The following TCF12 variants were observed in gnomAD, a reference collection of about 807,000 sequenced individuals.
TCF12 encodes transcription factor 12.
Under a neutral mutation model 86.0 loss-of-function variants are expected in TCF12, and 45 were observed. The ratio of observed to expected loss-of-function variants is 0.52; its 90% CI spans 0.41 to 0.67. The LOEUF (loss-of-function observed/expected upper bound fraction) is 0.67, where lower values mean the gene tolerates loss of function less well. Ranked by LOEUF, TCF12 falls within the 30% of genes least tolerant of loss-of-function variation. The probability of loss-of-function intolerance (pLI) is 0.00; values close to 1 mark genes in which losing one functional copy is unlikely to be tolerated. For synonymous variants in TCF12, 330 were observed against 299.6 expected (o/e 1.10, Z -1.05); for missense variants, 881 against 859.9 (o/e 1.02, Z -0.31).
intron 8 of TCF12, among the ~76,000 whole-genome samples, chr15:57,225,330 C>G (rs1390110029): frequency 6.8e-6 from 1 of 147,834 alleles, no homozygotes; most frequent in Non-Finnish European, 1.5e-5. Context: ...AGCTCCGCCT[C>G]CCAGGTTCAC....
chr15:56,947,964 T>C (rs941085674), intron 3 of TCF12, among the ~76,000 whole-genome samples: 1 of 152,152 alleles, frequency 6.6e-6, no homozygotes. Context: ...CAGGAACTTA[T>C]CTTAATTTAG....
chr15:57,172,110 T>C (rs2055549638), intron 6 of TCF12, among the ~76,000 whole-genome samples: 1 of 152,166 alleles, frequency 6.6e-6, no homozygotes, highest in African/African-American at 2.4e-5. Flanking sequence ...TTCCTTGTTC[T>C]TTTTTCCTGT....
rs149157232 is a variant in TCF12, at chr15:57,029,169, A to C, written c.149-34581A>C. On this transcript the variant is annotated intron_variant, in intron 3 of 20. Transcript: ENST00000333725. ...GAAAGAGTGGTTCTTCCAGTGTGAA[A>C]GAGTGGTTCTTCCACTACATAATTG... 4.4e-3 allele frequency among the ~76,000 whole-genome samples: 674 copies of C among 152,244 alleles called. 7 individuals carry two copies. Among genetic ancestry groups the C allele is most frequent in the Admixed American group, 0.022 (331 of 15,288 alleles).
Position 57,046,006 on chromosome 15 carries a change from T to A in TCF12, c.149-17744T>A, listed in dbSNP as rs72751022. Among the ~76,000 whole-genome samples the A allele has an allele frequency of 6.8e-3, 1,043 of 152,354 alleles. 8 individuals carry two copies. The highest frequency in any genetic ancestry group is 0.011 in the Non-Finnish European group (720 of 68,034). On this transcript the variant is annotated intron_variant, in intron 3 of 20. Coordinates refer to ENST00000333725, the MANE Select transcript of TCF12 (RefSeq NM_207037.2). The stretch of plus-strand genomic sequence containing the variant: ...AGATGACTGCCTTCCACGATTTTCT[T>A]CACTGAAAAATTGCCAAATGAGTTC...
chr15:57,149,623 G>C (rs1200442568), intron 5 of TCF12, among the ~76,000 whole-genome samples: 1 of 152,162 alleles, frequency 6.6e-6, no homozygotes, highest in Non-Finnish European at 1.5e-5. Context: ...TTTTTAGATT[G>C]TCCAAGAGTT....
chr15:57,151,724 C>T (rs12438151), intron 5 of TCF12, among the ~76,000 whole-genome samples: 6,115 of 151,988 alleles, frequency 0.04, 373 homozygotes, highest in Admixed American at 0.17. Flanking sequence ...GAGATCATGC[C>T]ACTGTGCCAC....
chr15:57,075,824 C>G (rs12900688), intron 4 of TCF12, among the ~76,000 whole-genome samples: 7 of 52,894 alleles, frequency 1.3e-4, no homozygotes, highest in East Asian at 9.1e-4. Context: ...CTCTCTCTCT[C>G]TCTCTCTCTC....
chr15:57,170,687 ATAAT>A (rs2055317677), intron 6 of TCF12, among the ~76,000 whole-genome samples: 3 of 10,156 alleles, frequency 3.0e-4, no homozygotes, highest in African/African-American at 1.7e-3. Flanking sequence ...TATATTATAT[ATAAT>A]ATATATTATA....
intron 6 of TCF12, among the ~76,000 whole-genome samples, chr15:57,191,743 G>T (rs1225976150): frequency 6.6e-6 from 1 of 152,102 alleles, no homozygotes; most frequent in East Asian, 1.9e-4. Flanking sequence ...TTTGAGTCCA[G>T]TCTGGCCCAC....
At chr15:56,930,365 G>C (rs1260043950) in intron 3 of TCF12, among the ~76,000 whole-genome samples, 1 of 152,224 alleles carries the variant, frequency 6.6e-6, no homozygotes, top group Admixed American at 6.5e-5. Context: ...GAGCTTATAT[G>C]GGCACTTGTG....
chr15:57,212,128 C>G (rs1773517051), intron 8 of TCF12, among the ~76,000 whole-genome samples: 1 of 152,152 alleles, frequency 6.6e-6, no homozygotes, highest in Non-Finnish European at 1.5e-5. Flanking sequence ...TCTGTGGATT[C>G]TATACTTTAC....
At chr15:57,252,865 G>A (rs2060180713) in intron 15 of TCF12, among the ~76,000 whole-genome samples, 1 of 150,594 alleles carries the variant, frequency 6.6e-6, no homozygotes, top group Non-Finnish European at 1.5e-5. Flanking sequence ...AAACTTACTG[G>A]ATTTGAGGTC....
intron 3 of TCF12, among the ~76,000 whole-genome samples, chr15:56,981,795 G>A (rs1393068044): frequency 2.6e-5 from 4 of 152,104 alleles, no homozygotes; most frequent in Non-Finnish European, 5.9e-5. Context: ...AAATAAGCTA[G>A]ACAAGTGCAA....
chr15:57,291,264 C>T (rs1244531510), downstream of TCF12: 1 of 152,208 alleles, frequency 6.6e-6, no homozygotes. Flanking sequence ...TTTCAATCAT[C>T]TCTACTCATA....
chr15:57,126,828 T>C (rs1596673057), intron 5 of TCF12, among the ~76,000 whole-genome samples: 1 of 152,192 alleles, frequency 6.6e-6, no homozygotes, highest in African/African-American at 2.4e-5. Flanking sequence ...AACTATAAGA[T>C]TATCAAGATT....
chr15:57,052,142 A>G (rs2067674421), intron 3 of TCF12, among the ~76,000 whole-genome samples: 1 of 152,250 alleles, frequency 6.6e-6, no homozygotes, highest in Admixed American at 6.5e-5. Flanking sequence ...TTACATATGT[A>G]CACTCATACA....
At chr15:57,238,543 A>C (rs1316750721) in intron 12 of TCF12, among the ~76,000 whole-genome samples, 1 of 152,220 alleles carries the variant, frequency 6.6e-6, no homozygotes, top group African/African-American at 2.4e-5. Flanking sequence ...ACTGATTTGA[A>C]ATTAAGTCAT....
chr15:57,162,829 CT>C (rs200275534), intron 5 of TCF12, among the ~76,000 whole-genome samples: 10 of 147,638 alleles, frequency 6.8e-5, no homozygotes, highest in South Asian at 2.1e-4. Context: ...TCCACTTCAA[CT>C]TTTTTTTTTT....
At chr15:57,235,266 A>G (rs904970244) in intron 12 of TCF12, among the ~76,000 whole-genome samples, 2 of 152,210 alleles carry the variant, frequency 1.3e-5, no homozygotes, top group African/African-American at 2.4e-5. Context: ...GAGCATTTAC[A>G]TGCCCTGTTT....
Sources: allele counts gnomAD v4.1 joint callset (sites outside exome capture counted in the v4.1 genomes callset), GRCh38; gene constraint gnomAD v4.1.1; transcripts MANE v1.5; gene names NCBI Gene and HGNC (gene_info 2026-07-23, HGNC 2026-07-21).